Variants in FGGY observed in about 807,000 individuals in gnomAD.
FGGY encodes FGGY carbohydrate kinase domain-containing protein.
In FGGY, 72 loss-of-function variants were observed where a neutral mutation model predicts 71.3. The observed-to-expected ratio is 1.01, with a 90% CI of 0.84 to 1.23. The LOEUF is 1.23. Among genes scored for constraint, FGGY ranks in the 50% most tolerant of loss-of-function variants. FGGY has a pLI of 0.00. For synonymous variants in FGGY, 251 were observed against 250.3 expected (o/e 1.00, Z -0.02); for missense variants, 668 against 682.3 (o/e 0.98, Z 0.23).
chr1:59,736,186 C>CCCAG, intron 14 of FGGY, among the ~76,000 whole-genome samples: 1 of 152,258 alleles, frequency 6.6e-6, no homozygotes, highest in South Asian at 2.1e-4. Flanking sequence ...TGTGAGGCCT[C>CCCAG]CCAGCCATAT....
At chr1:59,332,600 G>A (rs1292549657) in intron 2 of FGGY, among the ~76,000 whole-genome samples, 1 of 152,160 alleles carries the variant, frequency 6.6e-6, no homozygotes, top group African/African-American at 2.4e-5. Context: ...TTAAATGCAT[G>A]CCACAGTTAC....
At chr1:59,746,916 G>A (rs959517463) in intron 14 of FGGY, among the ~76,000 whole-genome samples, 2 of 152,084 alleles carry the variant, frequency 1.3e-5, no homozygotes, top group African/African-American at 2.4e-5. Context: ...AAAAGTATAG[G>A]TTCCAAAGCC....
chr1:59,503,865 C>G (rs191618072), intron 6 of FGGY, among the ~76,000 whole-genome samples: 23 of 151,980 alleles, frequency 1.5e-4, no homozygotes, highest in African/African-American at 5.6e-4. Flanking sequence ...GCAACAGTCT[C>G]TCTCAGTGAC....
chr1:59,645,687 T>TTGTGG (rs1257045067), intron 11 of FGGY, among the ~76,000 whole-genome samples: 1 of 152,226 alleles, frequency 6.6e-6, no homozygotes, highest in African/African-American at 2.4e-5. Context: ...GGCCTTTGTT[T>TTGTGG]TGTGGTGTTT....
intron 6 of FGGY, among the ~76,000 whole-genome samples, chr1:59,495,653 T>C (rs554683583): frequency 3.3e-5 from 5 of 152,254 alleles, no homozygotes; most frequent in Admixed American, 3.3e-4. Flanking sequence ...TGAATTGATT[T>C]TTATATGTGG....
At chr1:59,468,299 A>G (rs938831822) in intron 6 of FGGY, among the ~76,000 whole-genome samples, 1 of 152,212 alleles carries the variant, frequency 6.6e-6, no homozygotes, top group African/African-American at 2.4e-5. Context: ...TCCTTAATTC[A>G]GTGTTCACTG....
intron 4 of FGGY, among the ~76,000 whole-genome samples, chr1:59,353,724 G>GATGAGGA (rs1426100762): frequency 6.6e-6 from 1 of 152,052 alleles, no homozygotes; most frequent in Non-Finnish European, 1.5e-5. Context: ...TATATTACCA[G>GATGAGGA]ATGAGGAAAC....
intron 2 of FGGY, among the ~76,000 whole-genome samples, chr1:59,322,278 C>CT (rs779225811): frequency 0.034 from 4,268 of 127,286 alleles, 162 homozygotes; most frequent in African/African-American, 0.1. Context: ...GAGGTGCGCT[C>CT]TTTTTTTTTT....
intron 6 of FGGY, among the ~76,000 whole-genome samples, chr1:59,477,942 T>C (rs924104133): frequency 2.6e-5 from 4 of 152,142 alleles, no homozygotes; most frequent in African/African-American, 9.7e-5. Context: ...TTGGGGGTGG[T>C]ATTTATTTTT....
chr1:59,415,687 C>T (rs2064274797), intron 5 of FGGY, among the ~76,000 whole-genome samples: 1 of 152,204 alleles, frequency 6.6e-6, no homozygotes. Context: ...CGGTTTTCTC[C>T]ACCACTAGAC....
At chr1:59,692,931 A>C (rs554362091) in intron 14 of FGGY, among the ~76,000 whole-genome samples, 3 of 152,186 alleles carry the variant, frequency 2.0e-5, no homozygotes, top group African/African-American at 7.2e-5. Flanking sequence ...GCATCAGAAG[A>C]CTTGAGTCTG....
intron 8 of FGGY, among the ~76,000 whole-genome samples, chr1:59,591,127 C>T (rs1307578098): frequency 2.6e-5 from 4 of 151,210 alleles, no homozygotes; most frequent in Admixed American, 2.6e-4. Context: ...AAATCACAAG[C>T]ATTCTTATAC....
chr1:59,441,155 C>G (rs2069758371), intron 5 of FGGY, among the ~76,000 whole-genome samples: 1 of 152,116 alleles, frequency 6.6e-6, no homozygotes, highest in Non-Finnish European at 1.5e-5. Flanking sequence ...TTCCCATCTA[C>G]TCTCTGAGCT....
At chr1:59,311,695 A>G (rs575329541) in intron 1 of FGGY, among the ~76,000 whole-genome samples, 2 of 152,336 alleles carry the variant, frequency 1.3e-5, no homozygotes, top group South Asian at 2.1e-4. Context: ...CAGTGCTGCA[A>G]TAAACATATG....
chr1:59,463,640 A>T (rs1465129927), intron 6 of FGGY, among the ~76,000 whole-genome samples: 1 of 151,664 alleles, frequency 6.6e-6, no homozygotes, highest in Non-Finnish European at 1.5e-5. Flanking sequence ...AGACACACAT[A>T]GGCTCAAAAT....
chr1:59,645,292 C>T (rs1208306242), intron 11 of FGGY, among the ~76,000 whole-genome samples: 2 of 152,182 alleles, frequency 1.3e-5, no homozygotes, highest in Non-Finnish European at 2.9e-5. Context: ...ACAGACAGCA[C>T]AACAATGCCC....
At chr1:59,507,498 G>C (rs2094416787) in intron 6 of FGGY, among the ~76,000 whole-genome samples, 1 of 151,896 alleles carries the variant, frequency 6.6e-6, no homozygotes, top group Non-Finnish European at 1.5e-5. Context: ...TCTTTACACT[G>C]TGTGTTTATC....
intron 14 of FGGY, among the ~76,000 whole-genome samples, chr1:59,676,835 G>C (rs2097440681): frequency 6.6e-6 from 1 of 152,102 alleles, no homozygotes; most frequent in African/African-American, 2.4e-5. Flanking sequence ...AGAGTCCTGA[G>C]GTCTTATCTG....
intron 6 of FGGY, among the ~76,000 whole-genome samples, chr1:59,488,055 G>T (rs72664602): frequency 1.3e-5 from 2 of 151,970 alleles, no homozygotes; most frequent in Non-Finnish European, 1.5e-5. Context: ...AAACCATGCC[G>T]TATATGCCAG....
Sources: allele counts gnomAD v4.1 joint callset (sites outside exome capture counted in the v4.1 genomes callset), GRCh38; gene constraint gnomAD v4.1.1; transcripts MANE v1.5; gene names NCBI Gene and HGNC (gene_info 2026-07-23, HGNC 2026-07-21).